CACNA2D3: variants seen among roughly 807,000 people sequenced by gnomAD.
CACNA2D3 encodes the protein calcium voltage-gated channel auxiliary subunit alpha2delta 3.
Under a neutral mutation model 160.6 loss-of-function variants are expected in CACNA2D3, and 60 were observed. That is an observed-to-expected ratio of 0.37 (90% CI 0.30 to 0.46). CACNA2D3 has a LOEUF of 0.46. Ranked by LOEUF, CACNA2D3 falls within the 20% of genes least tolerant of loss-of-function variation. The probability of loss-of-function intolerance (pLI) is 1.00; values close to 1 mark genes in which losing one functional copy is unlikely to be tolerated. For synonymous variants in CACNA2D3, 558 were observed against 492.9 expected, an observed-to-expected ratio of 1.13 and a Z score of -1.75; for missense variants, 1,205 against 1,365.0, an observed-to-expected ratio of 0.88 and a Z score of 1.85.
intron 27 of CACNA2D3, among the ~76,000 whole-genome samples, chr3:54,958,248 A>G (rs1013888325): frequency 1.3e-5 from 2 of 152,230 alleles, no homozygotes; most frequent in Non-Finnish European, 2.9e-5. Context: ...CATGTATCGG[A>G]TGGGTGTGGT....
At chr3:54,909,200 G>A (rs1575364003) in intron 27 of CACNA2D3, among the ~76,000 whole-genome samples, 1 of 152,252 alleles carries the variant, frequency 6.6e-6, no homozygotes, top group Non-Finnish European at 1.5e-5. Flanking sequence ...AGTCAAGACA[G>A]TGATTTAGTT....
chr3:54,735,437 G>A (rs1701477201), intron 11 of CACNA2D3, among the ~76,000 whole-genome samples: 1 of 152,178 alleles, frequency 6.6e-6, no homozygotes, highest in African/African-American at 2.4e-5. Flanking sequence ...GAAGTCCCTT[G>A]GAAATAAGCT....
At chr3:54,461,224 G>A (rs1700498118) in intron 4 of CACNA2D3, among the ~76,000 whole-genome samples, 1 of 151,890 alleles carries the variant, frequency 6.6e-6, no homozygotes, top group African/African-American at 2.4e-5. Context: ...CAAGGATATT[G>A]GTCTAAAATT....
chr3:54,122,920 G>T (rs1699504045), intron 1 of CACNA2D3, 85 bp downstream of exon 1: 16 of 1,146,488 alleles, frequency 1.4e-5, no homozygotes, highest in Non-Finnish European at 1.6e-5. Flanking sequence ...CTGCAGGTGC[G>T]GCTGGGCAGG....
intron 13 of CACNA2D3, among the ~76,000 whole-genome samples, chr3:54,800,146 C>G (rs1702952636): frequency 1.3e-5 from 2 of 152,166 alleles, no homozygotes; most frequent in Admixed American, 1.3e-4. Flanking sequence ...GGCTTTGCAT[C>G]CTGTTTGGAT....
rs1452803529 is a variant in CACNA2D3 at position 54,207,350 on chromosome 3, C to A, written c.204+83756C>A. Among the ~76,000 whole-genome samples the A allele has an allele frequency of 2.0e-5, 3 of 150,774 alleles. 1 individual carries two copies. Among genetic ancestry groups the A allele is most frequent in the African/African-American group, 7.3e-5 (3 of 40,896 alleles). ...CCACTTGCCAAGGTCACACAGCTAG[C>A]AAGTGGCAGAGCTGGGCTTGCCCGT... is the stretch of plus-strand genomic sequence containing the variant. On this transcript the variant is annotated intron_variant, in intron 2 of 37. Transcript: ENST00000474759.
chr3:54,940,030 G>A (rs1701428076), intron 27 of CACNA2D3, among the ~76,000 whole-genome samples: 2 of 149,724 alleles, frequency 1.3e-5, no homozygotes, highest in African/African-American at 2.5e-5. Context: ...CAGAAAGAGG[G>A]GTGGAAGATG....
chr3:54,478,682 C>CTATATATATATATATATATA (rs1322068330), intron 4 of CACNA2D3, among the ~76,000 whole-genome samples: 1 of 4,622 alleles, frequency 2.2e-4, no homozygotes. Context: ...ATATATATTG[C>CTATATATATATATATATATA]TTGTCATTCT....
chr3:54,913,218 G>T (rs1435650052), intron 27 of CACNA2D3, among the ~76,000 whole-genome samples: 1 of 152,106 alleles, frequency 6.6e-6, no homozygotes, highest in Non-Finnish European at 1.5e-5. Flanking sequence ...GTGTAGCTGG[G>T]ATCATAGGCA....
chr3:54,693,568 A>G (rs550729466), intron 11 of CACNA2D3, among the ~76,000 whole-genome samples: 36 of 152,216 alleles, frequency 2.4e-4, no homozygotes, highest in Non-Finnish European at 3.8e-4. Flanking sequence ...TGAAAAGAAA[A>G]TTTAGCTGTA....
intron 27 of CACNA2D3, chr3:54,918,104 T>G: frequency 5.2e-6 from 1 of 191,314 alleles, no homozygotes; most frequent in Non-Finnish European, 1.1e-5. Flanking sequence ...TTGGCATGTG[T>G]GTTTGAATTT....
intron 11 of CACNA2D3, among the ~76,000 whole-genome samples, chr3:54,691,175 C>T (rs17054295): frequency 0.26 from 38,814 of 151,988 alleles, 5,324 homozygotes; most frequent in African/African-American, 0.29. Flanking sequence ...GATGGCTCAC[C>T]CCTGTGTGAA....
At chr3:54,565,551 A>G (rs1406566915) in intron 6 of CACNA2D3, among the ~76,000 whole-genome samples, 1 of 152,176 alleles carries the variant, frequency 6.6e-6, no homozygotes, top group Non-Finnish European at 1.5e-5. Flanking sequence ...AATGTTCTGT[A>G]TCCTATCTAA....
chr3:54,729,415 T>C (rs1411034655), intron 11 of CACNA2D3, among the ~76,000 whole-genome samples: 1 of 152,132 alleles, frequency 6.6e-6, no homozygotes, highest in Non-Finnish European at 1.5e-5. Flanking sequence ...TGACAGTACA[T>C]AGTCCATCAT....
chr3:54,551,452 C>A (rs908322652), intron 5 of CACNA2D3, among the ~76,000 whole-genome samples: 1 of 151,876 alleles, frequency 6.6e-6, no homozygotes, highest in East Asian at 1.9e-4. Context: ...GATTTAATAC[C>A]CTTTGGGTGG....
intron 9 of CACNA2D3, among the ~76,000 whole-genome samples, chr3:54,605,481 G>T (rs1236582539): frequency 6.6e-6 from 1 of 152,012 alleles, no homozygotes; most frequent in Non-Finnish European, 1.5e-5. Flanking sequence ...CCAAGGACTT[G>T]CCTCGAATGC....
chr3:54,689,777 C>T (rs1480738530), intron 11 of CACNA2D3, among the ~76,000 whole-genome samples: 2 of 152,068 alleles, frequency 1.3e-5, no homozygotes, highest in Non-Finnish European at 2.9e-5. Flanking sequence ...ACTACACTAG[C>T]CTCCTAACTA....
intron 11 of CACNA2D3, among the ~76,000 whole-genome samples, chr3:54,664,774 C>T (rs1200296082): frequency 6.6e-6 from 1 of 152,132 alleles, no homozygotes; most frequent in African/African-American, 2.4e-5. Context: ...CTGGTGCTTT[C>T]TCTAGGAAGT....
intron 13 of CACNA2D3, among the ~76,000 whole-genome samples, chr3:54,795,614 G>A (rs1459218088): frequency 6.6e-6 from 1 of 152,116 alleles, no homozygotes; most frequent in Admixed American, 6.6e-5. Context: ...AGGTGGGTAT[G>A]GCATATCTTT....
Sources: allele counts gnomAD v4.1 joint callset (sites outside exome capture counted in the v4.1 genomes callset), GRCh38; gene constraint gnomAD v4.1.1; transcripts MANE v1.5; gene names NCBI Gene and HGNC (gene_info 2026-07-23, HGNC 2026-07-21).